ALG8: variants seen among roughly 807,000 people sequenced by gnomAD.
The protein encoded by ALG8 is dolichyl pyrophosphate Glc1Man9GlcNAc2 alpha-1,3-glucosyltransferase.
ALG8 carries 48 observed loss-of-function variants against 70.2 expected under a neutral mutation model. The ratio of observed to expected loss-of-function variants is 0.68; its 90% CI spans 0.54 to 0.87. The LOEUF (loss-of-function observed/expected upper bound fraction) is 0.87. Among genes scored for constraint, ALG8 ranks in the 40% least tolerant of loss-of-function variants. The pLI, the probability that ALG8 is intolerant of heterozygous loss-of-function variation, is 0.00. For synonymous variants in ALG8, 234 were observed against 229.0 expected (o/e 1.02, Z -0.20); for missense variants, 572 against 608.7 (o/e 0.94, Z 0.64).
chr11:78,131,641 T>A (rs1257091231), intron 1 of ALG8, among the ~76,000 whole-genome samples: 1 of 152,172 alleles, frequency 6.6e-6, no homozygotes, highest in African/African-American at 2.4e-5. Flanking sequence ...ATTCTTTGTA[T>A]TTTTTGTAGA....
rs1399782821 is a variant in ALG8, at chr11:78,106,120, C to T, written c.1178+687G>A. ...GGTATTATTCCAGAATAGACTAAAT[C>T]CTTACTTTGACTAACAACACTTAAC... On this transcript the variant is annotated intron_variant, in intron 10 of 12. Transcript: ENST00000299626. 2.6e-5 allele frequency among the ~76,000 whole-genome samples: 4 copies of T among 152,262 alleles called. No individual in the cohort carries two copies. The East Asian group carries it at 7.7e-4, about 29-fold the overall frequency.
Position 78,114,249 on chromosome 11 carries a change from T to C in ALG8, c.673+17A>G. 1 of 1,613,926 alleles carries C rather than the reference T, an allele frequency of 6.2e-7. No homozygotes were observed. The highest frequency in any genetic ancestry group is 8.5e-7 in the Non-Finnish European group (1 of 1,179,964). Reference sequence around the variant, plus strand: ...GGAAAAATCGAAAATGTTTTTGCTATTATTACCAAAACTTGCCTGGTTTAT... The same window carrying C: ...GGAAAAATCGAAAATGTTTTTGCTACTATTACCAAAACTTGCCTGGTTTAT... On this transcript the variant is annotated intron_variant, in intron 6 of 12. Coordinates refer to ENST00000299626, the MANE Select transcript of ALG8 (RefSeq NM_024079.5).
chr11:78,136,017 A>T (rs1861532808), intron 1 of ALG8, among the ~76,000 whole-genome samples: 1 of 151,976 alleles, frequency 6.6e-6, no homozygotes, highest in South Asian at 2.1e-4. Context: ...AAAAATACAA[A>T]AAGTTAGCTG....
chr11:78,126,269 G>A (rs1378793294), intron 2 of ALG8, among the ~76,000 whole-genome samples: 2 of 152,094 alleles, frequency 1.3e-5, no homozygotes, highest in African/African-American at 2.4e-5. Context: ...AGTGGCTCAC[G>A]CCTGTAATCC....
At chr11:78,139,122 G>A (rs1861682232) in intron 1 of ALG8, 1 of 366,412 alleles carries the variant, frequency 2.7e-6, no homozygotes, top group African/African-American at 2.1e-5. Flanking sequence ...CGAGGGCAAG[G>A]ACCAGCAATG....
chr11:78,107,252 G>T (rs950624194), intron 9 of ALG8, among the ~76,000 whole-genome samples: 1 of 144,348 alleles, frequency 6.9e-6, no homozygotes, highest in African/African-American at 2.5e-5. Context: ...ACGGAGTCTC[G>T]CTTTGTTGCC....
At chr11:78,107,779 T>G (rs1291511860) in intron 9 of ALG8, 3 of 192,968 alleles carry the variant, frequency 1.6e-5, no homozygotes, top group Non-Finnish European at 3.2e-5. Flanking sequence ...GAGGCAGAGG[T>G]TGCAGTGAGC....
intron 1 of ALG8, among the ~76,000 whole-genome samples, chr11:78,134,083 CTGT>C (rs997918442): frequency 6.6e-6 from 1 of 151,366 alleles, no homozygotes. Context: ...ATGTTGATGG[CTGT>C]TGATTGATCA....
chr11:78,130,923 T>C (rs1861283340), intron 1 of ALG8, among the ~76,000 whole-genome samples: 1 of 152,236 alleles, frequency 6.6e-6, no homozygotes, highest in Non-Finnish European at 1.5e-5. Context: ...TCCTTAATTT[T>C]GGCAATAACA....
chr11:78,136,769 C>G (rs1428250163), intron 1 of ALG8, among the ~76,000 whole-genome samples: 2 of 152,164 alleles, frequency 1.3e-5, no homozygotes, highest in African/African-American at 4.8e-5. Context: ...TTTCTTCTAC[C>G]TTGAAAACCT....
At chr11:78,106,737 A>G (rs1860050262) in intron 10 of ALG8, 70 bp downstream of exon 10, 1 of 1,598,606 alleles carries the variant, frequency 6.3e-7, no homozygotes. Flanking sequence ...ACAAGAAGGG[A>G]CAGAGCAAAT....
chr11:78,139,418 T>C, intron 1 of ALG8, 76 bp downstream of exon 1: 1 of 1,367,368 alleles, frequency 7.3e-7, no homozygotes, highest in East Asian at 2.5e-5. Context: ...TACCCAGGGA[T>C]ATCCACACCT....
rs61995925 is a variant in ALG8, at chr11:78,112,745, C to A, written c.803G>T (p.Arg268Leu). The change falls in exon 8 of 13, where the codon CGA (arginine) becomes CTA (leucine). Residue 268 changes from arginine to leucine, a missense_variant. Transcript: ENST00000299626. ...ALNQLPQVFS[R>L]LFPFKRGLCH... ...GAGGCCCCTCTTGAAAGGAAAGAGTCGGGAAAAGACTTGAGGCAGCTGATT... is the reference window on the plus strand; with the variant it reads ...GAGGCCCCTCTTGAAAGGAAAGAGTAGGGAAAAGACTTGAGGCAGCTGATT... 6 of 1,613,684 alleles carry A rather than the reference C, an allele frequency of 3.7e-6. No homozygotes were observed. In the South Asian group the frequency reaches 5.5e-5, roughly 15 times the overall value.
At chr11:78,109,693 G>A (rs1177664044) in intron 8 of ALG8, 112 bp from the exon 9 acceptor site, 1 of 1,048,802 alleles carries the variant, frequency 9.5e-7, no homozygotes, top group African/African-American at 1.6e-5. Flanking sequence ...TCTTATTGCT[G>A]CTTAAAGGCT....
At chr11:78,126,532 C>A (rs372913219) in intron 2 of ALG8, among the ~76,000 whole-genome samples, 862 of 126,374 alleles carry the variant, frequency 6.8e-3, no homozygotes, top group South Asian at 7.6e-3. Context: ...GACTCTGTCT[C>A]AAAAAAAAAA....
intron 1 of ALG8, among the ~76,000 whole-genome samples, chr11:78,131,006 T>C (rs574660505): frequency 6.6e-6 from 1 of 152,344 alleles, no homozygotes; most frequent in African/African-American, 2.4e-5. Context: ...GACATGTCTT[T>C]TTTACTCTCT....
At chr11:78,101,635 T>TA (rs1179622941) in intron 12 of ALG8, among the ~76,000 whole-genome samples, 11 of 151,974 alleles carry the variant, frequency 7.2e-5, no homozygotes, top group Non-Finnish European at 1.2e-4. Context: ...TAAATAAAAA[T>TA]AAAAAATAAG....
At chr11:78,134,446 G>C (rs1055326165) in intron 1 of ALG8, among the ~76,000 whole-genome samples, 3 of 152,110 alleles carry the variant, frequency 2.0e-5, no homozygotes, top group African/African-American at 7.2e-5. Context: ...CAAGACTGTG[G>C]CAATTGCTTA....
chr11:78,104,340 A>G lies in ALG8; in HGVS notation c.1276+16T>C, dbSNP rs1859924566. On this transcript the variant is annotated intron_variant, in intron 11 of 12. Coordinates refer to ENST00000299626, the MANE Select transcript of ALG8 (RefSeq NM_024079.5). ...TGTGATAGTCAAATATATTTTTCTC[A>G]GAAGACGCTGTTTACCTGGTGCAGT... The G allele has an allele frequency of 6.4e-7, 1 of 1,557,304 alleles. No individual in the cohort carries two copies. The highest frequency in any genetic ancestry group is 2.0e-5 in the Admixed American group (1 of 49,608).
Sources: gnomAD v4.1 joint callset for allele counts (sites outside exome capture counted in the v4.1 genomes callset) on GRCh38, gnomAD v4.1.1 for gene constraint, MANE v1.5 for transcripts, NCBI Gene and HGNC (gene_info 2026-07-23, HGNC 2026-07-21) for gene names.